Variants in PTPRD observed in about 807,000 individuals in gnomAD.
PTPRD encodes the protein protein tyrosine phosphatase receptor type D, also known as receptor-type tyrosine-protein phosphatase delta.
Under a neutral mutation model 214.5 loss-of-function variants are expected in PTPRD, and 34 were observed. The observed-to-expected ratio is 0.16, with a 90% CI of 0.12 to 0.21. PTPRD has a LOEUF of 0.21. Ranked by LOEUF, PTPRD falls within the 10% of genes least tolerant of loss-of-function variation. PTPRD has a pLI of 1.00. For missense variants in PTPRD, 2,545 were observed against 2,398.7 expected (o/e 1.06, Z -1.27); for synonymous variants, 1,128 against 845.7 (o/e 1.33, Z -5.79).
At chr9:8,946,220 T>G (rs1208172854) in intron 11 of PTPRD, among the ~76,000 whole-genome samples, 1 of 152,202 alleles carries the variant, frequency 6.6e-6, no homozygotes, top group African/African-American at 2.4e-5. Flanking sequence ...ATTACTTGTT[T>G]TTTTGTTCCT....
intron 39 of PTPRD, among the ~76,000 whole-genome samples, chr9:8,362,074 T>C (rs1351454640): frequency 1.3e-5 from 2 of 152,246 alleles, no homozygotes; most frequent in African/African-American, 4.8e-5. Flanking sequence ...CCTTGGGAAT[T>C]TGTACCTTTG....
At chr9:9,156,046 G>A (rs1289846118) in intron 10 of PTPRD, among the ~76,000 whole-genome samples, 1 of 152,072 alleles carries the variant, frequency 6.6e-6, no homozygotes, top group Non-Finnish European at 1.5e-5. Context: ...TATGCTTTCA[G>A]CCTTAGACCT....
At chr9:9,842,128 A>C (rs2058474159) in intron 5 of PTPRD, among the ~76,000 whole-genome samples, 1 of 151,962 alleles carries the variant, frequency 6.6e-6, no homozygotes, top group Admixed American at 6.6e-5. Context: ...ATTTTAAATC[A>C]TGAGTGAAAA....
chr9:10,503,394 CTTAATA>C (rs1201953411), intron 2 of PTPRD, among the ~76,000 whole-genome samples: 4 of 151,672 alleles, frequency 2.6e-5, no homozygotes, highest in African/African-American at 9.7e-5. Context: ...TAATAAATAC[CTTAATA>C]TTATCTACCA....
chr9:9,203,849 G>A (rs570398573), intron 9 of PTPRD, among the ~76,000 whole-genome samples: 2 of 152,162 alleles, frequency 1.3e-5, no homozygotes, highest in African/African-American at 2.4e-5. Flanking sequence ...GGCTATTTTA[G>A]AGATGTGTTA....
At chr9:8,714,193 T>A (rs1429149655) in intron 12 of PTPRD, among the ~76,000 whole-genome samples, 1 of 152,250 alleles carries the variant, frequency 6.6e-6, no homozygotes, top group Non-Finnish European at 1.5e-5. Flanking sequence ...AATTTTTGTG[T>A]CTCAGTTATC....
At chr9:9,500,215 G>GTAA (rs1426298320) in intron 8 of PTPRD, among the ~76,000 whole-genome samples, 1 of 152,064 alleles carries the variant, frequency 6.6e-6, no homozygotes, top group Non-Finnish European at 1.5e-5. Context: ...AAGTTAAAGT[G>GTAA]TAATCTCTCC....
intron 14 of PTPRD, among the ~76,000 whole-genome samples, chr9:8,574,658 G>C (rs991460100): frequency 8.6e-5 from 13 of 151,932 alleles, no homozygotes; most frequent in Non-Finnish European, 1.5e-4. Context: ...TACTTTTAAA[G>C]TTCAAGGCAT....
At chr9:10,486,764 G>A (rs1052342389) in intron 2 of PTPRD, among the ~76,000 whole-genome samples, 4 of 152,136 alleles carry the variant, frequency 2.6e-5, no homozygotes, top group African/African-American at 4.8e-5. Flanking sequence ...CTGAGGGGAG[G>A]AATGTGTATT....
At chr9:9,624,324 C>T (rs1189916616) in intron 7 of PTPRD, among the ~76,000 whole-genome samples, 1 of 151,862 alleles carries the variant, frequency 6.6e-6, no homozygotes, top group African/African-American at 2.4e-5. Flanking sequence ...ACTCTGTCAC[C>T]CAGGCTGGAG....
chr9:9,016,814 C>A (rs72692852), intron 11 of PTPRD, among the ~76,000 whole-genome samples: 1 of 152,094 alleles, frequency 6.6e-6, no homozygotes, highest in African/African-American at 2.4e-5. Context: ...AAAGTACTTT[C>A]AGAATGACAA....
chr9:10,115,884 A>G (rs1215467307), intron 3 of PTPRD, among the ~76,000 whole-genome samples: 2 of 152,122 alleles, frequency 1.3e-5, no homozygotes, highest in Non-Finnish European at 2.9e-5. Flanking sequence ...AAATAAATAC[A>G]TTCCTAAGTA....
chr9:9,826,028 G>T (rs898188757), intron 5 of PTPRD, among the ~76,000 whole-genome samples: 2 of 151,570 alleles, frequency 1.3e-5, no homozygotes, highest in Non-Finnish European at 2.9e-5. Context: ...AATTATTCAT[G>T]ATCATAATTT....
chr9:9,410,769 A>G (rs1213064875), intron 8 of PTPRD, among the ~76,000 whole-genome samples: 3 of 152,202 alleles, frequency 2.0e-5, no homozygotes, highest in African/African-American at 7.2e-5. Flanking sequence ...ACAACATTTT[A>G]CTACTGTATA....
chr9:8,468,765 A>G (rs1235796648), intron 31 of PTPRD, among the ~76,000 whole-genome samples: 1 of 150,884 alleles, frequency 6.6e-6, no homozygotes, highest in Non-Finnish European at 1.5e-5. Flanking sequence ...AGCTATAGAT[A>G]AAATTACTAC....
intron 5 of PTPRD, among the ~76,000 whole-genome samples, chr9:9,822,684 A>T (rs1162806089): frequency 6.6e-6 from 1 of 151,956 alleles, no homozygotes; most frequent in African/African-American, 2.4e-5. Flanking sequence ...CATAACAGAA[A>T]ATAATCACAA....
chr9:10,477,823 C>G (rs201781465), intron 2 of PTPRD, among the ~76,000 whole-genome samples: 1 of 151,942 alleles, frequency 6.6e-6, no homozygotes, highest in Non-Finnish European at 1.5e-5. Context: ...AGTTCATGTC[C>G]TTTGCAGTAA....
intron 11 of PTPRD, among the ~76,000 whole-genome samples, chr9:8,780,946 T>C (rs944106386): frequency 6.6e-6 from 1 of 152,342 alleles, no homozygotes; most frequent in African/African-American, 2.4e-5. Flanking sequence ...TGGTCAGATA[T>C]TGTAAGTATA....
chr9:9,414,448 T>C (rs1319070908), intron 8 of PTPRD, among the ~76,000 whole-genome samples: 1 of 152,312 alleles, frequency 6.6e-6, no homozygotes, highest in East Asian at 1.9e-4. Flanking sequence ...CTACAGAATA[T>C]CAAATACATT....
Sources: allele counts gnomAD v4.1 joint callset (sites outside exome capture counted in the v4.1 genomes callset), GRCh38; gene constraint gnomAD v4.1.1; transcripts MANE v1.5; gene names NCBI Gene and HGNC (gene_info 2026-07-23, HGNC 2026-07-21).